Variants in MSRB2 observed in about 807,000 individuals in gnomAD.
MSRB2 encodes methionine-R-sulfoxide reductase B2, mitochondrial.
Under a neutral mutation model 19.0 loss-of-function variants are expected in MSRB2, and 17 were observed. That is an observed-to-expected ratio of 0.89 (90% CI 0.61 to 1.34). The LOEUF (loss-of-function observed/expected upper bound fraction) is 1.34, where lower values mean the gene tolerates loss of function less well. MSRB2 is among the 40% of genes most tolerant of loss of function. The pLI, the probability that MSRB2 is intolerant of heterozygous loss-of-function variation, is 0.00. For missense variants in MSRB2, 208 were observed against 237.6 expected, an observed-to-expected ratio of 0.88 and a Z score of 0.82; for synonymous variants, 107 against 99.7, an observed-to-expected ratio of 1.07 and a Z score of -0.44.
intron 3 of MSRB2, among the ~76,000 whole-genome samples, chr10:23,118,330 G>GTTTTTTTTT (rs199691499): frequency 1.0e-4 from 9 of 86,636 alleles, no homozygotes; most frequent in Admixed American, 4.2e-4. Flanking sequence ...TCTTAGATTA[G>GTTTTTTTTT]TTTTTTGTTT....
In MSRB2 at chr10:23,104,129, T is replaced by C. The variant is rs754697832; in HGVS notation, c.119-15T>C. 2 of 1,590,044 alleles carry C rather than the reference T, an allele frequency of 1.3e-6. No individual in the cohort carries two copies. Among genetic ancestry groups the C allele is most frequent in the Non-Finnish European group, 8.5e-7 (1 of 1,172,306 alleles). The stretch of plus-strand genomic sequence containing the variant: ...TTTTTGTTTTAATTTTTAAAATTCC[T>C]GTTTAACAATACAGGGTCTCTTGCA... On this transcript the variant is annotated splice_polypyrimidine_tract_variant and intron_variant, in intron 1 of 4. Coordinates refer to ENST00000376510, the MANE Select transcript of MSRB2 (RefSeq NM_012228.4).
intron 2 of MSRB2, among the ~76,000 whole-genome samples, chr10:23,107,562 GATA>G (rs1839997315): frequency 6.6e-6 from 1 of 152,184 alleles, no homozygotes; most frequent in Admixed American, 6.5e-5. Flanking sequence ...TCCCATCTCA[GATA>G]ATATCTGATA....
chr10:23,104,179 A>T lies in MSRB2; in HGVS notation c.154A>T (p.Ser52Cys), dbSNP rs766343038. 2 of 1,613,924 alleles carry T rather than the reference A, an allele frequency of 1.2e-6. No individual in the cohort carries two copies. The highest frequency in any genetic ancestry group is 2.2e-5 in the South Asian group (2 of 91,072). ...LATCELPLAKSEWQKKLTPEQ... is the reference protein window; with the variant it reads ...LATCELPLAKCEWQKKLTPEQ... ...AACGTGTGAGCTGCCTCTTGCCAAGAGTGAGTGGCAAAAGAAACTAACCCC... is the reference window on the plus strand; with the variant it reads ...AACGTGTGAGCTGCCTCTTGCCAAGTGTGAGTGGCAAAAGAAACTAACCCC... The change falls in exon 2 of 5, where the codon AGT (serine) becomes TGT (cysteine). Residue 52 changes from serine to cysteine, a missense_variant. Ser to Cys is a moderately radical substitution (Grantham distance 112, BLOSUM62 -1). Coordinates refer to ENST00000376510, the MANE Select transcript of MSRB2 (RefSeq NM_012228.4).
At chr10:23,113,703 T>C (rs11013294) in intron 3 of MSRB2, among the ~76,000 whole-genome samples, 35,250 of 152,062 alleles carry the variant, frequency 0.23, 4,541 homozygotes, top group Non-Finnish European at 0.29. Context: ...TCAGCCCTAA[T>C]TCCAAAATCA....
intron 1 of MSRB2, among the ~76,000 whole-genome samples, chr10:23,096,794 G>A (rs545384015): frequency 4.6e-5 from 7 of 152,318 alleles, no homozygotes; most frequent in Admixed American, 4.6e-4. Context: ...TGAGCCTACT[G>A]TGTGCCAAGC....
At chr10:23,114,370 C>G (rs977263502) in intron 3 of MSRB2, among the ~76,000 whole-genome samples, 4 of 148,324 alleles carry the variant, frequency 2.7e-5, no homozygotes, top group African/African-American at 1.0e-4. Context: ...AAAAAAAAAG[C>G]TGTGATTATG....
intron 2 of MSRB2, among the ~76,000 whole-genome samples, chr10:23,105,206 G>C (rs908082131): frequency 4.6e-5 from 6 of 130,836 alleles, no homozygotes; most frequent in East Asian, 2.1e-4. Context: ...CTCTCTCTCT[G>C]TGTGTCTGTG....
intron 1 of MSRB2, among the ~76,000 whole-genome samples, chr10:23,101,036 G>A (rs186198381): frequency 2.6e-5 from 4 of 152,224 alleles, no homozygotes; most frequent in African/African-American, 9.6e-5. Flanking sequence ...GCTTTTGGGC[G>A]AACAGGTGTT....
chr10:23,095,757 C>G lies in MSRB2; in HGVS notation c.118+31C>G, dbSNP rs774410076. 57 of 1,213,504 alleles carry G rather than the reference C, an allele frequency of 4.7e-5. No homozygotes were observed. The African/African-American group carries it at 8.2e-4, about 17-fold the overall frequency. 75.2% of individuals were successfully genotyped at this position (1,213,504 alleles called of 1,614,324 possible). On this transcript the variant is annotated intron_variant, in intron 1 of 4. Coordinates refer to ENST00000376510, the MANE Select transcript of MSRB2 (RefSeq NM_012228.4). The stretch of plus-strand genomic sequence containing the variant: ...ACGCGGGTCCCGCAGGCCCCGCCGC[C>G]GCCTACGGCTTTCGGCTTCATTTCA...
intron 2 of MSRB2, 56 bp downstream of exon 2, chr10:23,104,300 G>C: frequency 7.0e-7 from 1 of 1,429,988 alleles, no homozygotes; most frequent in South Asian, 1.2e-5. Context: ...TGAGGGGCCA[G>C]TTGGAATAGG....
chr10:23,119,400 A>C lies in MSRB2; in HGVS notation c.393A>C (p.Arg131Ser). The C allele has an allele frequency of 6.2e-7, 1 of 1,614,078 alleles. No homozygotes were observed. The highest frequency in any genetic ancestry group is 8.5e-7 in the Non-Finnish European group (1 of 1,180,002). Reference protein sequence around the residue: ...GSDESHTGILRRLDTSLGSAR... With the variant: ...GSDESHTGILSRLDTSLGSAR... ...ATGAAAGCCACACAGGGATCCTGAG[A>C]CGTCTGGATACCTCGTTAGGATCAG... The change falls in exon 4 of 5, where the codon AGA (arginine) becomes AGC (serine). Residue 131 changes from arginine to serine, a missense_variant. Transcript: ENST00000376510.
At chr10:23,099,517 T>C (rs999399511) in intron 1 of MSRB2, among the ~76,000 whole-genome samples, 6 of 152,342 alleles carry the variant, frequency 3.9e-5, no homozygotes, top group African/African-American at 1.4e-4. Flanking sequence ...TTAATTCTTT[T>C]GGTTAGCAAT....
In MSRB2 at chr10:23,119,323, T is replaced by C. The variant is rs758435342; in HGVS notation, c.316T>C (p.Ser106Pro). 13 of 1,614,024 alleles carry C rather than the reference T, an allele frequency of 8.1e-6. No individual in the cohort carries two copies. The Admixed American group carries it at 1.7e-4, about 21-fold the overall frequency. The change falls in exon 4 of 5, where the codon TCT becomes CCT. Residue 106 changes from serine (S) to proline (P), a missense_variant. Physicochemically the swap from Ser to Pro is moderately conservative, Grantham distance 74. Coordinates refer to ENST00000376510, the MANE Select transcript of MSRB2 (RefSeq NM_012228.4). The stretch of plus-strand genomic sequence containing the variant: ...CCACAGTTCTGAGAAAAAGTACTGC[T>C]CTGGCACTGGGTGGCCTTCGTTTTC... ...PLFSSEKKYCSGTGWPSFSEA... is the reference protein window; with the variant it reads ...PLFSSEKKYCPGTGWPSFSEA...
intron 3 of MSRB2, among the ~76,000 whole-genome samples, chr10:23,115,273 C>G (rs1287943724): frequency 6.6e-6 from 1 of 152,194 alleles, no homozygotes; most frequent in African/African-American, 2.4e-5. Context: ...TTCTCCCTTT[C>G]TTCTTCTACA....
chr10:23,104,980 T>C (rs947416486), intron 2 of MSRB2, among the ~76,000 whole-genome samples: 6 of 152,200 alleles, frequency 3.9e-5, no homozygotes, highest in Non-Finnish European at 8.8e-5. Context: ...TCATAGCATT[T>C]GCCATCACTG....
chr10:23,115,219 C>T (rs547851559), intron 3 of MSRB2, among the ~76,000 whole-genome samples: 2 of 152,278 alleles, frequency 1.3e-5, no homozygotes, highest in South Asian at 4.1e-4. Context: ...TTCCTTAACT[C>T]GGAATGAAGT....
At chr10:23,103,175 A>C (rs1446506861) in intron 1 of MSRB2, among the ~76,000 whole-genome samples, 1 of 152,208 alleles carries the variant, frequency 6.6e-6, no homozygotes, top group Non-Finnish European at 1.5e-5. Context: ...ACTGGAGAGG[A>C]GATAAGTCTT....
rs1377225989 is a variant in MSRB2 at position 23,121,370 on chromosome 10, G to A, written c.*508G>A. On this transcript the variant is annotated 3_prime_UTR_variant, in exon 5 of 5. Coordinates refer to ENST00000376510, the MANE Select transcript of MSRB2 (RefSeq NM_012228.4). ...ACTTTTAAACAGCCAGATCTCTCAA[G>A]AACTCACTCACTGTCACCAGGACAG... The A allele has an allele frequency of 1.9e-5, 3 of 154,164 alleles. No homozygotes were observed. The highest frequency in any genetic ancestry group is 4.3e-5 in the Non-Finnish European group (3 of 69,402). 9.5% of individuals were successfully genotyped at this position (154,164 alleles called of 1,614,324 possible).
chr10:23,096,346 C>CTGTGTGTGTGTGTGTGTGTGTGTGTG (rs1488263441), intron 1 of MSRB2, among the ~76,000 whole-genome samples: 2 of 61,198 alleles, frequency 3.3e-5, no homozygotes, highest in African/African-American at 1.7e-4. Flanking sequence ...GTGTCTCTCT[C>CTGTGTGTGTGTGTGTGTGTGTGTGTG]TCTCTCTGTG....
Sources: gnomAD v4.1 joint callset for allele counts (sites outside exome capture counted in the v4.1 genomes callset) on GRCh38, gnomAD v4.1.1 for gene constraint, MANE v1.5 for transcripts, NCBI Gene and HGNC (gene_info 2026-07-23, HGNC 2026-07-21) for gene names.